SCFD2: variants seen among roughly 807,000 people sequenced by gnomAD.
SCFD2 encodes sec1 family domain containing 2, also known as sec1 family domain-containing protein 2.
Under a neutral mutation model 58.9 loss-of-function variants are expected in SCFD2, and 54 were observed. The ratio of observed to expected loss-of-function variants is 0.92; its 90% CI spans 0.74 to 1.15. The LOEUF is 1.15. Ranked by LOEUF, SCFD2 falls within the 50% of genes most tolerant of loss-of-function variation. The pLI is 0.00. For missense variants in SCFD2, 805 were observed against 836.6 expected (o/e 0.96, Z 0.47); for synonymous variants, 321 against 335.9 (o/e 0.96, Z 0.49).
chr4:52,957,971 A>G (rs1720749524), intron 5 of SCFD2: 1 of 152,152 alleles, frequency 6.6e-6, no homozygotes, highest in African/African-American at 2.4e-5. Flanking sequence ...AGTGTCATTA[A>G]CCCTAACATA....
intron 4 of SCFD2, among the ~76,000 whole-genome samples, chr4:53,262,507 T>G (rs1560418671): frequency 6.6e-6 from 1 of 152,240 alleles, no homozygotes; most frequent in Non-Finnish European, 1.5e-5. Flanking sequence ...CCTTCATTTA[T>G]GAAGCTTAGT....
At chr4:53,133,851 C>T (rs1297037549) in intron 5 of SCFD2, among the ~76,000 whole-genome samples, 2 of 152,212 alleles carry the variant, frequency 1.3e-5, no homozygotes, top group African/African-American at 4.8e-5. Flanking sequence ...CTAGACTATG[C>T]CTACCTTCCC....
chr4:53,016,501 T>C (rs770814752), intron 5 of SCFD2, among the ~76,000 whole-genome samples: 6 of 152,242 alleles, frequency 3.9e-5, no homozygotes, highest in Non-Finnish European at 8.8e-5. Context: ...AATATGAATC[T>C]TTAAAAAATC....
At chr4:53,172,370 C>T (rs1363506295) in intron 4 of SCFD2, among the ~76,000 whole-genome samples, 1 of 152,074 alleles carries the variant, frequency 6.6e-6, no homozygotes, top group Admixed American at 6.6e-5. Flanking sequence ...TTGTTAATTC[C>T]TTTCTTCTGC....
intron 5 of SCFD2, among the ~76,000 whole-genome samples, chr4:52,928,691 T>TAAC (rs1490897324): frequency 6.6e-6 from 1 of 152,074 alleles, no homozygotes; most frequent in African/African-American, 2.4e-5. Flanking sequence ...ATTGCTCCTA[T>TAAC]TGTTATTGCA....
At chr4:53,263,719 T>C (rs1238936530) in intron 4 of SCFD2, among the ~76,000 whole-genome samples, 1 of 152,228 alleles carries the variant, frequency 6.6e-6, no homozygotes, top group Non-Finnish European at 1.5e-5. Context: ...TGTTTTCTTT[T>C]GTCGGTTGGC....
chr4:52,971,150 G>A (rs142931369), intron 5 of SCFD2, among the ~76,000 whole-genome samples: 521 of 152,256 alleles, frequency 3.4e-3, no homozygotes, highest in Non-Finnish European at 4.9e-3. Context: ...ACCAGCAATG[G>A]AACAAAGCTG....
At chr4:53,154,649 G>A (rs1726611655) in intron 4 of SCFD2, among the ~76,000 whole-genome samples, 1 of 152,236 alleles carries the variant, frequency 6.6e-6, no homozygotes, top group Non-Finnish European at 1.5e-5. Context: ...CTGACAGAGT[G>A]CTCAAAGGAG....
intron 5 of SCFD2, among the ~76,000 whole-genome samples, chr4:53,031,362 G>A (rs1344366810): frequency 1.3e-5 from 2 of 152,128 alleles, no homozygotes; most frequent in African/African-American, 4.8e-5. Context: ...CCTCTAAAAG[G>A]CCTCTTCTCC....
chr4:53,045,752 T>G (rs1172639557), intron 5 of SCFD2, among the ~76,000 whole-genome samples: 2 of 152,210 alleles, frequency 1.3e-5, no homozygotes, highest in African/African-American at 4.8e-5. Context: ...AATGAATTAA[T>G]CTACCAATTA....
Position 53,273,812 on chromosome 4 carries a change from C to G in SCFD2, c.1311+14G>C. ...TAATTATTAAGATCCCACGAGGTTC[C>G]CATAGCAACATACCTGAAGAAGGAG... On this transcript the variant is annotated intron_variant, in intron 4 of 8. Transcript: ENST00000401642. The G allele has an allele frequency of 6.2e-7, 1 of 1,601,158 alleles. No individual in the cohort carries two copies. The highest frequency in any genetic ancestry group is 8.5e-7 in the Non-Finnish European group (1 of 1,173,952).
chr4:53,344,795 A>T (rs1279836655), intron 2 of SCFD2, among the ~76,000 whole-genome samples: 2 of 152,162 alleles, frequency 1.3e-5, no homozygotes, highest in African/African-American at 4.8e-5. Flanking sequence ...AAGTAACACC[A>T]CACATCTACA....
intron 4 of SCFD2, among the ~76,000 whole-genome samples, chr4:53,166,267 G>A (rs1272898162): frequency 2.0e-5 from 3 of 152,196 alleles, no homozygotes; most frequent in African/African-American, 7.2e-5. Context: ...AAGAGGTAGA[G>A]ATGTATCTGT....
intron 5 of SCFD2, chr4:52,955,915 A>G (rs1295440376): frequency 2.5e-5 from 9 of 363,988 alleles, no homozygotes; most frequent in Non-Finnish European, 4.9e-5. Context: ...TGGCTGTGGG[A>G]ATACTTCCTA....
chr4:53,301,958 A>C (rs1184534857), intron 3 of SCFD2, among the ~76,000 whole-genome samples: 1 of 152,222 alleles, frequency 6.6e-6, no homozygotes, highest in Non-Finnish European at 1.5e-5. Context: ...ATCTCAAAAT[A>C]ATAAGAGCTA....
intron 5 of SCFD2, among the ~76,000 whole-genome samples, chr4:52,968,017 A>T (rs1182434913): frequency 2.0e-5 from 3 of 152,142 alleles, no homozygotes. Flanking sequence ...TTATTTTATC[A>T]TCTGGAAGGC....
chr4:52,990,014 C>A (rs575138312), intron 5 of SCFD2, among the ~76,000 whole-genome samples: 1 of 152,148 alleles, frequency 6.6e-6, no homozygotes, highest in African/African-American at 2.4e-5. Flanking sequence ...TAAATAGGCT[C>A]GAGGCAATCT....
chr4:53,103,630 G>A (rs181602906), intron 5 of SCFD2, among the ~76,000 whole-genome samples: 1 of 148,926 alleles, frequency 6.7e-6, no homozygotes, highest in East Asian at 1.9e-4. Flanking sequence ...GTAGCAATGA[G>A]CATATCTAGT....
At chr4:52,908,435 C>T (rs1450379234) in intron 6 of SCFD2, among the ~76,000 whole-genome samples, 11 of 152,136 alleles carry the variant, frequency 7.2e-5, no homozygotes, top group African/African-American at 2.4e-4. Context: ...AGATATGGCA[C>T]GAAGTCTGGG....
Sources: allele counts gnomAD v4.1 joint callset (sites outside exome capture counted in the v4.1 genomes callset), GRCh38; gene constraint gnomAD v4.1.1; transcripts MANE v1.5; gene names NCBI Gene and HGNC (gene_info 2026-07-23, HGNC 2026-07-21).